Variants in PHF21A observed in about 807,000 individuals in gnomAD.
PHF21A encodes BHC80a.
Under a neutral mutation model 82.5 loss-of-function variants are expected in PHF21A, and 11 were observed. The ratio of observed to expected loss-of-function variants is 0.13; its 90% CI spans 0.08 to 0.22. PHF21A has a LOEUF of 0.22. Among genes scored for constraint, PHF21A ranks in the 10% least tolerant of loss-of-function variants. The pLI, the probability that PHF21A is intolerant of heterozygous loss-of-function variation, is 1.00. For missense variants in PHF21A, 579 were observed against 837.8 expected (o/e 0.69, Z 3.81); for synonymous variants, 297 against 302.8 (o/e 0.98, Z 0.20).
At chr11:46,042,687 G>T (rs1018660389) in intron 6 of PHF21A, among the ~76,000 whole-genome samples, 1 of 152,078 alleles carries the variant, frequency 6.6e-6, no homozygotes, top group African/African-American at 2.4e-5. Context: ...AGGTCTTTAA[G>T]AGGCCATTAG....
In PHF21A at chr11:46,121,400, C is replaced by T. The variant is rs991818349; in HGVS notation, c.-702G>A. ...CAACTCTTCATCCTCCTCCTCCTCTCAGCAGCAGCAGCGAGCACCACCAGC... is the reference window on the plus strand; with the variant it reads ...CAACTCTTCATCCTCCTCCTCCTCTTAGCAGCAGCAGCGAGCACCACCAGC... On this transcript the variant is annotated 5_prime_UTR_variant, in exon 1 of 19. Transcript: ENST00000676320. 2.0e-5 allele frequency among the ~76,000 whole-genome samples: 3 copies of T among 151,282 alleles called. No homozygotes were observed. Among genetic ancestry groups the T allele is most frequent in the Non-Finnish European group, 3.0e-5 (2 of 67,634 alleles).
chr11:45,945,714 T>C, intron 15 of PHF21A, 126 bp downstream of exon 15: 1 of 757,664 alleles, frequency 1.3e-6, no homozygotes, highest in East Asian at 2.8e-5. Context: ...AAAAGCATTC[T>C]ATAGTGTTTA....
intron 11 of PHF21A, 67 bp downstream of exon 11, chr11:45,953,460 C>A: frequency 1.1e-6 from 1 of 911,890 alleles, no homozygotes. Flanking sequence ...AGCAGGTGCC[C>A]CTCCTGGTAC....
Position 45,933,994 on chromosome 11 carries a change from A to G in PHF21A, c.2020T>C (p.Cys674Arg), listed in dbSNP as rs2088091495. 6.3e-7 allele frequency: 1 copy of G among 1,584,414 alleles called. No individual in the cohort carries two copies. Among genetic ancestry groups the G allele is most frequent in the Non-Finnish European group, 8.6e-7 (1 of 1,166,692 alleles). Residue 674 changes from cysteine to arginine, a missense_variant, in exon 19 of 19, where the codon TGT becomes CGT. Physicochemically the swap from Cys to Arg is radical, Grantham distance 180. Around this residue, in one of 3 missense-constraint regions of PHF21A, gnomAD observed 157 missense variants for 149.4 expected, o/e 1.05. Transcript: ENST00000676320. Reference sequence around the variant, plus strand: ...TATTTAGTCTCTTCCCCCTGGTTACAGTTCGCTGTGCAGCTCTGGGAGGAG... The same window carrying G: ...TATTTAGTCTCTTCCCCCTGGTTACGGTTCGCTGTGCAGCTCTGGGAGGAG... ...SPSSQSCTAN[C>R]NQGEETK
chr11:46,097,981 A>C (rs2097025099), intron 1 of PHF21A, among the ~76,000 whole-genome samples: 1 of 152,146 alleles, frequency 6.6e-6, no homozygotes, highest in Admixed American at 6.6e-5. Context: ...GAACCCATAG[A>C]TCTGTATTTA....
chr11:46,031,901 A>G (rs945757987), intron 6 of PHF21A, among the ~76,000 whole-genome samples: 2 of 152,226 alleles, frequency 1.3e-5, no homozygotes, highest in African/African-American at 4.8e-5. Flanking sequence ...CAGAAGCATT[A>G]TCAGGTACAA....
At position 46,089,765 on chromosome 11, in the gene PHF21A, T is replaced by A. The variant is rs140344426; in HGVS notation, c.-84+690A>T. Among the ~76,000 whole-genome samples the A allele has an allele frequency of 4.4e-3, 612 of 137,790 alleles. 3 individuals carry two copies. Among genetic ancestry groups the A allele is most frequent in the African/African-American group, 0.015 (566 of 36,854 alleles). 90.4% of individuals were successfully genotyped at this position (137,790 alleles called of 152,430 possible). ...TGATATCTAAATGTCTGAATGTATG[T>A]GAGTATAAAATATCTTTCTAATCTC... is the stretch of plus-strand genomic sequence containing the variant. On this transcript the variant is annotated intron_variant, in intron 3 of 18. Transcript: ENST00000676320.
chr11:46,014,558 T>C (rs1446260758), intron 6 of PHF21A, among the ~76,000 whole-genome samples: 1 of 152,216 alleles, frequency 6.6e-6, no homozygotes, highest in Non-Finnish European at 1.5e-5. Flanking sequence ...CAAATGGTAG[T>C]TTTACTTTTA....
chr11:45,954,609 T>C (rs1326174362), intron 10 of PHF21A, among the ~76,000 whole-genome samples: 1 of 152,100 alleles, frequency 6.6e-6, no homozygotes, highest in African/African-American at 2.4e-5. Context: ...ACACAAAAGG[T>C]AGCTAGCATA....
intron 2 of PHF21A, among the ~76,000 whole-genome samples, chr11:46,091,239 A>T (rs888646845): frequency 2.6e-5 from 4 of 152,166 alleles, no homozygotes; most frequent in Admixed American, 6.5e-5. Context: ...GGATTTAAAA[A>T]TTTTTTTAAA....
At chr11:46,004,519 TATTTCATAAA>T (rs1278688277) in intron 6 of PHF21A, among the ~76,000 whole-genome samples, 1 of 152,202 alleles carries the variant, frequency 6.6e-6, no homozygotes, top group Non-Finnish European at 1.5e-5. Flanking sequence ...TAAGTGACAA[TATTTCATAAA>T]CTGAAATATT....
chr11:46,118,202 A>G (rs1851921769), intron 1 of PHF21A: 1 of 152,174 alleles, frequency 6.6e-6, no homozygotes, highest in African/African-American at 2.4e-5. Flanking sequence ...AATTTAGCCC[A>G]GGTAGGTGTC....
intron 6 of PHF21A, among the ~76,000 whole-genome samples, chr11:46,050,087 T>C (rs770381162): frequency 1.3e-5 from 2 of 152,246 alleles, no homozygotes; most frequent in Non-Finnish European, 2.9e-5. Flanking sequence ...GAGTTAGCGA[T>C]TGCCACTAGG....
intron 6 of PHF21A, among the ~76,000 whole-genome samples, chr11:46,009,855 A>C (rs1324831756): frequency 6.6e-6 from 1 of 152,092 alleles, no homozygotes; most frequent in East Asian, 1.9e-4. Context: ...ATCTGGTATA[A>C]CTCTTTCATC....
At chr11:46,013,339 G>A (rs1403147947) in intron 6 of PHF21A, among the ~76,000 whole-genome samples, 1 of 152,096 alleles carries the variant, frequency 6.6e-6, no homozygotes, top group Non-Finnish European at 1.5e-5. Flanking sequence ...GACTGCCATT[G>A]GTCACTTAGT....
intron 10 of PHF21A, among the ~76,000 whole-genome samples, chr11:45,958,396 C>CAAAAAAAAAAA (rs1159762183): frequency 0.011 from 12 of 1,066 alleles, 6 homozygotes; most frequent in Admixed American, 0.11. Flanking sequence ...AACCTGGTCT[C>CAAAAAAAAAAA]AAAAAAAAAA....
intron 6 of PHF21A, among the ~76,000 whole-genome samples, chr11:46,006,399 T>C (rs536305649): frequency 2.6e-5 from 4 of 152,340 alleles, no homozygotes; most frequent in Admixed American, 6.5e-5. Flanking sequence ...TAACGAAATA[T>C]TGCAACTTGT....
At chr11:46,077,439 T>C (rs1022907231) in intron 5 of PHF21A, among the ~76,000 whole-genome samples, 18 of 152,346 alleles carry the variant, frequency 1.2e-4, no homozygotes, top group Non-Finnish European at 1.9e-4. Flanking sequence ...CAGAGCATGA[T>C]TGCCTTTTAC....
At chr11:46,005,354 T>C (rs755970576) in intron 6 of PHF21A, among the ~76,000 whole-genome samples, 3 of 152,178 alleles carry the variant, frequency 2.0e-5, no homozygotes, top group Admixed American at 1.3e-4. Context: ...GTGTTTCAGA[T>C]TTTGAGATTT....
Sources: gnomAD v4.1 joint callset for allele counts (sites outside exome capture counted in the v4.1 genomes callset) on GRCh38, gnomAD v4.1.1 for gene constraint, gnomAD v4.1.1 regional missense constraint, MANE v1.5 for transcripts, NCBI Gene and HGNC (gene_info 2026-07-23, HGNC 2026-07-21) for gene names.